SPTBN1: variants seen among roughly 807,000 people sequenced by gnomAD.
SPTBN1 encodes spectrin beta chain, non-erythrocytic 1.
SPTBN1 carries 32 observed loss-of-function variants against 266.4 expected under a neutral mutation model. The observed-to-expected ratio is 0.12, with a 90% CI of 0.09 to 0.16. The LOEUF is 0.16. Among genes scored for constraint, SPTBN1 ranks in the 10% least tolerant of loss-of-function variants. The probability of loss-of-function intolerance (pLI) is 1.00; values close to 1 mark genes in which losing one functional copy is unlikely to be tolerated. For missense variants in SPTBN1, 2,296 were observed against 3,067.1 expected (o/e 0.75, Z 5.94); for synonymous variants, 1,336 against 1,162.2 (o/e 1.15, Z -3.04).
rs868618728 is a variant in SPTBN1 at position 54,558,269 on chromosome 2, C to T, written c.148+31703C>T. 31 of 985,270 alleles carry T rather than the reference C, an allele frequency of 3.1e-5. No individual in the cohort carries two copies. Among genetic ancestry groups the T allele is most frequent in the Middle Eastern group, 1.0e-3 (2 of 1,934 alleles). 61.0% of individuals were successfully genotyped at this position (985,270 alleles called of 1,614,324 possible). Reference sequence around the variant, plus strand: ...GGCTAGGCTCCCCCGCGCCCCTCCTCGTGGTATAGCCTGCATTTCTAATAC... The same window carrying T: ...GGCTAGGCTCCCCCGCGCCCCTCCTTGTGGTATAGCCTGCATTTCTAATAC... On this transcript the variant is annotated intron_variant, in intron 2 of 35. Coordinates refer to ENST00000356805, the MANE Select transcript of SPTBN1 (RefSeq NM_003128.3). This position sits in a 1 kb window ranked among gnomAD's most constrained non-coding sequence, Gnocchi z 4.6.
chr2:54,571,724 C>T (rs544824008), intron 2 of SPTBN1, among the ~76,000 whole-genome samples: 84 of 152,188 alleles, frequency 5.5e-4, no homozygotes, highest in South Asian at 1.5e-3. Context: ...CTCTGTATTC[C>T]TTCTTAGGGA....
chr2:54,615,715 C>T (rs775852490), intron 4 of SPTBN1, among the ~76,000 whole-genome samples: 19 of 152,184 alleles, frequency 1.2e-4, no homozygotes, highest in Middle Eastern at 3.2e-3. Flanking sequence ...AAATATGCTG[C>T]CTCTGAGCGG....
At position 54,653,415 on chromosome 2, in the gene SPTBN1, G is replaced by C; in HGVS notation, c.5578-194G>C. ...CATTCATAAAGAACTTAATAATGTA[G>C]TTGAACAGATTTATAGAAAACGGGT... On this transcript the variant is annotated intron_variant, in intron 26 of 35. Transcript: ENST00000356805. This position sits in a 1 kb window ranked among gnomAD's most constrained non-coding sequence, Gnocchi z 5.1. 2.7e-6 allele frequency: 2 copies of C among 743,104 alleles called. No individual in the cohort carries two copies. Among genetic ancestry groups the C allele is most frequent in the Non-Finnish European group, 4.2e-6 (2 of 481,686 alleles). The allele number at this position is 743,104 out of a possible 1,614,324, so 46.0% of individuals were successfully genotyped here.
intron 1 of SPTBN1, chr2:54,457,156 C>CCA: frequency 7.7e-6 from 1 of 129,680 alleles, no homozygotes; most frequent in East Asian, 3.2e-4. Flanking sequence ...TGCGCCCGCC[C>CCA]CCCCCCCGCC....
intron 17 of SPTBN1, 33 bp from the exon 18 acceptor site, chr2:54,637,680 T>G (rs780485897): frequency 5.8e-6 from 9 of 1,544,496 alleles, no homozygotes; most frequent in Admixed American, 1.7e-5. Flanking sequence ...CTACTTCCTT[T>G]TTTAAAAATT....
Position 54,628,851 on chromosome 2 carries a change from G to A in SPTBN1, c.1799-82G>A, listed in dbSNP as rs945481901. ...GAGCTGGTAATCATAAGAATATGGG[G>A]TGTAGCTTACTGCCTGCCAGTGAGC... On this transcript the variant is annotated intron_variant, in intron 13 of 35. Coordinates refer to ENST00000356805, the MANE Select transcript of SPTBN1 (RefSeq NM_003128.3). The surrounding 1 kb of genome is among the most constrained non-coding windows in gnomAD (Gnocchi z 4.3). 5.1e-5 allele frequency: 76 copies of A among 1,489,464 alleles called. No individual in the cohort carries two copies. Among genetic ancestry groups the A allele is most frequent in the Non-Finnish European group, 6.4e-5 (71 of 1,114,136 alleles). The allele number at this position is 1,489,464 out of a possible 1,614,324, so 92.3% of individuals were successfully genotyped here.
At position 54,645,905 on chromosome 2, in the gene SPTBN1, C is replaced by T. The variant is rs1428951379; in HGVS notation, c.4495-23C>T. On this transcript the variant is annotated intron_variant, in intron 21 of 35. Transcript: ENST00000356805. The surrounding 1 kb of genome is among the most constrained non-coding windows in gnomAD (Gnocchi z 4.3). ...ATTTGTTCCTCTGAGTGGATCTGAC[C>T]ACTTATTTAAAATTCTTCCCAGTTG... The T allele has an allele frequency of 4.3e-6, 7 of 1,613,060 alleles. No individual in the cohort carries two copies. The highest frequency in any genetic ancestry group is 3.3e-5 in the Admixed American group (2 of 59,984).
intron 2 of SPTBN1, 185 bp downstream of exon 2, chr2:54,526,751 A>G: frequency 1.6e-6 from 1 of 621,318 alleles, no homozygotes; most frequent in Non-Finnish European, 2.5e-6. Context: ...AGAGCTGTCA[A>G]CTCTAATGGC....
At chr2:54,635,490 AG>A (rs1378754991) in intron 17 of SPTBN1, among the ~76,000 whole-genome samples, 1 of 152,218 alleles carries the variant, frequency 6.6e-6, no homozygotes, top group Non-Finnish European at 1.5e-5. Context: ...CCACTATAGG[AG>A]AAAGGCTGCC....
chr2:54,640,630 C>A (rs1270527371), intron 18 of SPTBN1, among the ~76,000 whole-genome samples: 1 of 149,994 alleles, frequency 6.7e-6, no homozygotes, highest in African/African-American at 2.5e-5. Context: ...CAGCTCACTA[C>A]AGCCCCCACC....
chr2:54,563,653 G>C (rs1193766610), intron 2 of SPTBN1, among the ~76,000 whole-genome samples: 1 of 132,622 alleles, frequency 7.5e-6, no homozygotes, highest in East Asian at 2.3e-4. Flanking sequence ...GCTCAGGCTG[G>C]AGTGCAGTGG....
chr2:54,569,658 C>T lies in SPTBN1; in HGVS notation c.149-29434C>T, dbSNP rs1019126945. 2.6e-5 allele frequency among the ~76,000 whole-genome samples: 4 copies of T among 152,278 alleles called. No individual in the cohort carries two copies. The South Asian group carries it at 8.3e-4, about 32-fold the overall frequency. On this transcript the variant is annotated intron_variant, in intron 2 of 35. Coordinates refer to ENST00000356805, the MANE Select transcript of SPTBN1 (RefSeq NM_003128.3). ...ATTCACTTTCCAAATCAGACAATTA[C>T]TTACCAGTCTGAGAGCCTGCTTCTC...
chr2:54,656,457 T>G (rs1680665635), intron 29 of SPTBN1, among the ~76,000 whole-genome samples: 1 of 152,260 alleles, frequency 6.6e-6, no homozygotes, highest in Non-Finnish European at 1.5e-5. Context: ...TGTATTTCTG[T>G]GTTTATTCCC....
chr2:54,504,759 G>T (rs926941663), intron 1 of SPTBN1, among the ~76,000 whole-genome samples: 3 of 148,216 alleles, frequency 2.0e-5, no homozygotes, highest in Non-Finnish European at 3.0e-5. Context: ...TAATTAAAAG[G>T]TTTTTTTTTT....
rs1438938479 is a variant in SPTBN1, at chr2:54,621,802, T to C, written c.876+290T>C. Among the ~76,000 whole-genome samples, 3 of 152,164 alleles carry C rather than the reference T, an allele frequency of 2.0e-5. No individual in the cohort carries two copies. In the East Asian group the frequency reaches 5.8e-4, roughly 29 times the overall value. On this transcript the variant is annotated intron_variant, in intron 8 of 35. Transcript: ENST00000356805. ...TGATCGAGTTGCCTAATGTCATGGG[T>C]GTGACATCCTACTTACCACAGTTGA...
At chr2:54,617,825 A>C in intron 6 of SPTBN1, 137 bp downstream of exon 6, 2 of 795,672 alleles carry the variant, frequency 2.5e-6, no homozygotes, top group Non-Finnish European at 4.0e-6. Context: ...CATGTGAGGA[A>C]AATATGGGAG....
At chr2:54,655,480 T>C (rs975738063) in intron 28 of SPTBN1, among the ~76,000 whole-genome samples, 1 of 152,234 alleles carries the variant, frequency 6.6e-6, no homozygotes, top group Non-Finnish European at 1.5e-5. Context: ...GTGACGCCAA[T>C]GTCCATTGAC....
intron 1 of SPTBN1, among the ~76,000 whole-genome samples, chr2:54,509,219 G>A (rs905765593): frequency 5.3e-5 from 8 of 152,206 alleles, no homozygotes; most frequent in South Asian, 2.1e-4. Context: ...TGGAGAAAGG[G>A]AGTGAATGTC....
intron 1 of SPTBN1, among the ~76,000 whole-genome samples, chr2:54,501,926 T>C (rs1312865834): frequency 1.3e-5 from 2 of 152,190 alleles, no homozygotes; most frequent in African/African-American, 2.4e-5. Context: ...TATTTGCAGC[T>C]CCCTGAAAAT....
Sources: allele counts gnomAD v4.1 joint callset (sites outside exome capture counted in the v4.1 genomes callset), GRCh38; gene constraint gnomAD v4.1.1; non-coding constraint Gnocchi (gnomAD v3.1); transcripts MANE v1.5; gene names NCBI Gene and HGNC (gene_info 2026-07-23, HGNC 2026-07-21).